Variants in SRRM4 observed in about 807,000 individuals in gnomAD.
The protein encoded by SRRM4 is serine/arginine repetitive matrix protein 4.
A neutral mutation model predicts 68.9 loss-of-function variants in SRRM4; 33 were observed. That is an observed-to-expected ratio of 0.48 (90% CI 0.36 to 0.64). The LOEUF is 0.64. Ranked by LOEUF, SRRM4 falls within the 30% of genes least tolerant of loss-of-function variation. The probability of loss-of-function intolerance (pLI) is 0.00; values close to 1 mark genes in which losing one functional copy is unlikely to be tolerated. For missense variants in SRRM4, 817 were observed against 827.1 expected (o/e 0.99, Z 0.15); for synonymous variants, 318 against 318.8 (o/e 1.00, Z 0.03).
intron 1 of SRRM4, among the ~76,000 whole-genome samples, chr12:118,986,779 A>C (rs1258246114): frequency 6.6e-6 from 1 of 152,150 alleles, no homozygotes; most frequent in Non-Finnish European, 1.5e-5. Flanking sequence ...CCACTGCTCC[A>C]GGCCACCAAA....
At chr12:118,987,956 A>C (rs1352750559) in intron 1 of SRRM4, among the ~76,000 whole-genome samples, 3 of 152,248 alleles carry the variant, frequency 2.0e-5, no homozygotes, top group Admixed American at 2.0e-4. Flanking sequence ...GTGTTGTGAT[A>C]CATATAATGT....
intron 8 of SRRM4, among the ~76,000 whole-genome samples, chr12:119,132,091 C>T (rs1308152730): frequency 1.3e-5 from 2 of 152,206 alleles, no homozygotes; most frequent in Non-Finnish European, 2.9e-5. Flanking sequence ...CCTCTGCCTA[C>T]CTGGAACCAT....
chr12:119,117,773 G>T (rs190542485), intron 4 of SRRM4, among the ~76,000 whole-genome samples: 2 of 152,164 alleles, frequency 1.3e-5, no homozygotes, highest in African/African-American at 4.8e-5. Context: ...TTAGCCAGGT[G>T]TGGTGGCACG....
chr12:119,099,977 G>T (rs1419734227), intron 1 of SRRM4, among the ~76,000 whole-genome samples: 2 of 152,140 alleles, frequency 1.3e-5, no homozygotes, highest in African/African-American at 4.8e-5. Flanking sequence ...TATTCAAAGG[G>T]AGATAAATTA....
intron 1 of SRRM4, among the ~76,000 whole-genome samples, chr12:119,046,236 C>A (rs566472257): frequency 1.2e-4 from 18 of 151,964 alleles, no homozygotes; most frequent in Non-Finnish European, 2.4e-4. Flanking sequence ...CATCAAAGAG[C>A]TTTTGCAGTG....
At chr12:118,983,366 C>T (rs1953262316) in intron 1 of SRRM4, among the ~76,000 whole-genome samples, 1 of 152,150 alleles carries the variant, frequency 6.6e-6, no homozygotes, top group Non-Finnish European at 1.5e-5. Context: ...TGTTTGCAGA[C>T]GGGAAGGAGG....
At chr12:118,988,759 A>G (rs1953298586) in intron 1 of SRRM4, among the ~76,000 whole-genome samples, 1 of 152,212 alleles carries the variant, frequency 6.6e-6, no homozygotes, top group South Asian at 2.1e-4. Flanking sequence ...GAGAAAGACA[A>G]TAAATGAAGA....
At chr12:119,005,251 GC>G in intron 1 of SRRM4, among the ~76,000 whole-genome samples, 1 of 152,280 alleles carries the variant, frequency 6.6e-6, no homozygotes, top group East Asian at 1.9e-4. Context: ...AACGGAAGGG[GC>G]CCCATTTTAT....
chr12:119,045,770 G>A (rs1189694254), intron 1 of SRRM4, among the ~76,000 whole-genome samples: 3 of 152,094 alleles, frequency 2.0e-5, no homozygotes, highest in Non-Finnish European at 2.9e-5. Context: ...AGGCATGGTG[G>A]CTCAAGCCTG....
chr12:119,020,176 C>T (rs1953508098), intron 1 of SRRM4, among the ~76,000 whole-genome samples: 1 of 152,036 alleles, frequency 6.6e-6, no homozygotes, highest in Non-Finnish European at 1.5e-5. Flanking sequence ...GGGGCCCCCA[C>T]AAGTTCTCCC....
rs115018985 is a variant in SRRM4, at chr12:119,153,279, C to A, written c.1281-260C>A. 7.7e-3 allele frequency among the ~76,000 whole-genome samples: 1,172 copies of A among 152,216 alleles called. 18 individuals are homozygous for A. The highest frequency in any genetic ancestry group is 0.026 in the African/African-American group (1,085 of 41,532). On this transcript the variant is annotated intron_variant, in intron 10 of 12. Coordinates refer to ENST00000267260, the MANE Select transcript of SRRM4 (RefSeq NM_194286.4). ...GCATTTTATAGACAAGAAAACGGCCCAGGGAAACGAAATCATCTGCCAAGG... is the reference window on the plus strand; with the variant it reads ...GCATTTTATAGACAAGAAAACGGCCAAGGGAAACGAAATCATCTGCCAAGG...
At position 119,043,437 on chromosome 12, in the gene SRRM4, G is replaced by A. The variant is rs148192754; in HGVS notation, c.132-58799G>A. ...GAGCATCAGGATAGCTAATGCATGT[G>A]GGGCTTAATACCTAGGTGATGAGTT... On this transcript the variant is annotated intron_variant, in intron 1 of 12. Coordinates refer to ENST00000267260, the MANE Select transcript of SRRM4 (RefSeq NM_194286.4). Among the ~76,000 whole-genome samples the A allele has an allele frequency of 3.9e-3, 589 of 152,226 alleles. 3 individuals are homozygous for A. The highest frequency in any genetic ancestry group is 0.013 in the African/African-American group (548 of 41,524).
chr12:119,079,337 G>A (rs973315549), intron 1 of SRRM4, among the ~76,000 whole-genome samples: 1 of 152,114 alleles, frequency 6.6e-6, no homozygotes, highest in African/African-American at 2.4e-5. Context: ...GGAATCCAAA[G>A]GATTTTAATC....
chr12:119,024,404 C>G (rs1953534921), intron 1 of SRRM4, among the ~76,000 whole-genome samples: 1 of 152,216 alleles, frequency 6.6e-6, no homozygotes, highest in Non-Finnish European at 1.5e-5. Flanking sequence ...TGCAGTCTCA[C>G]TGCCACTGCA....
chr12:118,986,435 C>T (rs75382349), intron 1 of SRRM4, among the ~76,000 whole-genome samples: 2 of 152,278 alleles, frequency 1.3e-5, no homozygotes, highest in African/African-American at 4.8e-5. Context: ...TCACCCGGCA[C>T]ACGTGCTATC....
intron 2 of SRRM4, among the ~76,000 whole-genome samples, chr12:119,108,565 T>C (rs1451508471): frequency 6.6e-6 from 1 of 152,216 alleles, no homozygotes; most frequent in Non-Finnish European, 1.5e-5. Flanking sequence ...TTTACCATAA[T>C]GTAATGGCCT....
At chr12:119,062,785 T>C (rs913970994) in intron 1 of SRRM4, among the ~76,000 whole-genome samples, 1 of 152,232 alleles carries the variant, frequency 6.6e-6, no homozygotes, top group African/African-American at 2.4e-5. Context: ...CGAAAGACTG[T>C]TATGCAGTGC....
chr12:119,143,377 T>C (rs1381140634), intron 8 of SRRM4, among the ~76,000 whole-genome samples: 2 of 151,916 alleles, frequency 1.3e-5, no homozygotes, highest in Non-Finnish European at 2.9e-5. Flanking sequence ...ATTTGTGGGG[T>C]CAGAGCAAAG....
At chr12:119,072,041 T>C (rs1953881021) in intron 1 of SRRM4, among the ~76,000 whole-genome samples, 1 of 152,156 alleles carries the variant, frequency 6.6e-6, no homozygotes, top group Non-Finnish European at 1.5e-5. Context: ...TGGGACGCTG[T>C]CAGCTTCTCC....
Sources: allele counts gnomAD v4.1 joint callset (sites outside exome capture counted in the v4.1 genomes callset), GRCh38; gene constraint gnomAD v4.1.1; transcripts MANE v1.5; gene names NCBI Gene and HGNC (gene_info 2026-07-23, HGNC 2026-07-21).